The following UBE2U variants were observed in gnomAD, a reference collection of about 807,000 sequenced individuals.
The protein encoded by UBE2U is ubiquitin conjugating enzyme E2 U, also known as ubiquitin-conjugating enzyme E2 U.
A neutral mutation model predicts 41.2 loss-of-function variants in UBE2U; 39 were observed. That is an observed-to-expected ratio of 0.95 (90% confidence interval 0.73 to 1.24). The LOEUF is 1.24. Among genes scored for constraint, UBE2U ranks in the 50% most tolerant of loss-of-function variants. UBE2U has a pLI of 0.00. For missense variants in UBE2U, 336 were observed against 363.1 expected (o/e 0.93, Z 0.61); for synonymous variants, 107 against 117.8 (o/e 0.91, Z 0.60).
intron 7 of UBE2U, among the ~76,000 whole-genome samples, chr1:64,240,928 C>G (rs958120435): frequency 3.9e-5 from 6 of 151,946 alleles, no homozygotes; most frequent in African/African-American, 9.7e-5. Context: ...TGGGGTTTCA[C>G]CACATTGGCC....
intron 8 of UBE2U, among the ~76,000 whole-genome samples, chr1:64,255,313 A>G (rs1645073152): frequency 6.6e-6 from 1 of 152,188 alleles, no homozygotes; most frequent in Non-Finnish European, 1.5e-5. Flanking sequence ...AACCAGACAG[A>G]TTCACAGCTG....
At chr1:64,209,900 A>T (rs1651561674) in intron 3 of UBE2U, among the ~76,000 whole-genome samples, 1 of 152,204 alleles carries the variant, frequency 6.6e-6, no homozygotes, top group Non-Finnish European at 1.5e-5. Flanking sequence ...TGAATACTTG[A>T]GAAGTAAACA....
At chr1:64,253,798 A>C (rs564253176) in intron 8 of UBE2U, among the ~76,000 whole-genome samples, 1 of 152,324 alleles carries the variant, frequency 6.6e-6, no homozygotes, top group South Asian at 2.1e-4. Flanking sequence ...ATTACCAGCC[A>C]CTACAAAAAC....
chr1:64,236,567 C>T lies in UBE2U; in HGVS notation c.595+3918C>T, dbSNP rs140755419. ...TATATATGGTTGTGGGCAACAGAGC[C>T]TTAATGACAGAATATGATCCCCATA... On this transcript the variant is annotated intron_variant, in intron 7 of 9. Transcript: ENST00000371077. Among the ~76,000 whole-genome samples, 5 of 152,200 alleles carry T rather than the reference C, an allele frequency of 3.3e-5. No homozygotes were observed. The East Asian group carries it at 9.7e-4, about 29-fold the overall frequency.
At position 64,206,850 on chromosome 1, in the gene UBE2U, C is replaced by A. The variant is rs773041164; in HGVS notation, c.235C>A (p.Pro79Thr). ...GAAATTTATAACAATTCCGTTTCAT[C>A]CAAATGGTAAGAACTAAATGACATT... is the stretch of plus-strand genomic sequence containing the variant. Reference protein sequence around the residue: ...VVKFITIPFHPNVDPHTGQPC... With the variant: ...VVKFITIPFHTNVDPHTGQPC... The change falls in exon 3 of 10, where the codon CCA becomes ACA. Residue 79 changes from proline (P) to threonine (T), a missense_variant. Physicochemically the swap from Pro to Thr is conservative, Grantham distance 38. Transcript: ENST00000371077. The A allele has an allele frequency of 5.1e-6, 8 of 1,576,948 alleles. No individual in the cohort carries two copies. The highest frequency in any genetic ancestry group is 7.0e-6 in the Non-Finnish European group (8 of 1,149,288).
chr1:64,223,077 T>G (rs892800306), intron 6 of UBE2U, among the ~76,000 whole-genome samples: 1 of 152,154 alleles, frequency 6.6e-6, no homozygotes, highest in African/African-American at 2.4e-5. Flanking sequence ...ACTTAGAATG[T>G]ACTTAGAATG....
At chr1:64,255,650 A>G (rs1645078288) in intron 8 of UBE2U, among the ~76,000 whole-genome samples, 1 of 152,042 alleles carries the variant, frequency 6.6e-6, no homozygotes, top group African/African-American at 2.4e-5. Flanking sequence ...TTCATCACAT[A>G]AACAGAACTA....
chr1:64,266,884 G>A, intron 9 of UBE2U, 140 bp from the exon 10 acceptor site: 2 of 722,906 alleles, frequency 2.8e-6, no homozygotes, highest in East Asian at 2.9e-5. Flanking sequence ...AAAACATGAA[G>A]TTTAGAAAGT....
Position 64,205,674 on chromosome 1 carries a change from G to A in UBE2U, c.102G>A (p.Met34Ile), listed in dbSNP as rs763771642. Reference sequence around the variant, plus strand: ...CTAAGCCTGTAAGTGAAGATATGATGGAATGGGAAGTTGAAATTGAAGGTC... The same window carrying A: ...CTAAGCCTGTAAGTGAAGATATGATAGAATGGGAAGTTGAAATTGAAGGTC... ...ITAKPVSEDM[M>I]EWEVEIEGLQ... The change falls in exon 2 of 10, where the codon ATG becomes ATA. Residue 34 changes from methionine to isoleucine, a missense_variant. Physicochemically the swap from Met to Ile is conservative, Grantham distance 10 (BLOSUM62 1). Coordinates refer to ENST00000371077, the MANE Select transcript of UBE2U (RefSeq NM_001366232.2). 1.9e-6 allele frequency: 3 copies of A among 1,613,074 alleles called. No homozygotes were observed. The highest frequency in any genetic ancestry group is 2.7e-5 in the African/African-American group (2 of 74,858).
Position 64,241,654 on chromosome 1 carries a change from C to A in UBE2U, c.598C>A (p.Leu200Ile), listed in dbSNP as rs1182526727. The A allele has an allele frequency of 6.2e-7, 1 of 1,600,754 alleles. No homozygotes were observed. Among genetic ancestry groups the A allele is most frequent in the South Asian group, 1.1e-5 (1 of 88,542 alleles). ...TTTTTTTAATATTCTAATTTCAGTG[C>A]TCAAAGTTCCAAATTTCATTGGACA... ...KATEYYRTPL[L>I]KVPNFIGQYY... The change falls in exon 8 of 10, where the codon CTC (leucine) becomes ATC (isoleucine). Residue 200 changes from leucine (L) to isoleucine (I), a missense_variant and splice_region_variant. Transcript: ENST00000371077.
intron 6 of UBE2U, among the ~76,000 whole-genome samples, chr1:64,224,931 A>G (rs1963048): frequency 0.2 from 25,462 of 127,246 alleles, 2,750 homozygotes; most frequent in Non-Finnish European, 0.25. Context: ...TGTATAGGAT[A>G]TTATCACACA....
At position 64,253,470 on chromosome 1, in the gene UBE2U, C is replaced by T. The variant is rs564161580; in HGVS notation, c.678-7133C>T. On this transcript the variant is annotated intron_variant, in intron 8 of 9. Coordinates refer to ENST00000371077, the MANE Select transcript of UBE2U (RefSeq NM_001366232.2). ...CCCCAAGACACATAATCATCAGATTCTCCAAGGTCGAAATGAAGGAAAAAA... is the reference window on the plus strand; with the variant it reads ...CCCCAAGACACATAATCATCAGATTTTCCAAGGTCGAAATGAAGGAAAAAA... Among the ~76,000 whole-genome samples the T allele has an allele frequency of 1.1e-3, 170 of 152,236 alleles. 2 individuals are homozygous for T. The highest frequency in any genetic ancestry group is 8.8e-3 in the Admixed American group (135 of 15,278).
chr1:64,225,598 A>T (rs1652811664), intron 6 of UBE2U, among the ~76,000 whole-genome samples: 1 of 152,242 alleles, frequency 6.6e-6, no homozygotes, highest in Non-Finnish European at 1.5e-5. Flanking sequence ...GAGAAGAGTT[A>T]TTAGGTTATT....
chr1:64,265,006 C>A (rs1481462837), intron 9 of UBE2U, among the ~76,000 whole-genome samples: 2 of 152,008 alleles, frequency 1.3e-5, no homozygotes, highest in Admixed American at 1.3e-4. Flanking sequence ...CAGGATCCTG[C>A]TTGAGGGGAA....
At chr1:64,252,881 C>T (rs1645033724) in intron 8 of UBE2U, among the ~76,000 whole-genome samples, 1 of 152,162 alleles carries the variant, frequency 6.6e-6, no homozygotes, top group Non-Finnish European at 1.5e-5. Context: ...AACACCTTTC[C>T]AGCAAGGGTA....
intron 7 of UBE2U, among the ~76,000 whole-genome samples, chr1:64,239,320 T>G (rs1644792132): frequency 6.6e-6 from 1 of 151,792 alleles, no homozygotes; most frequent in African/African-American, 2.4e-5. Context: ...ATGATCTGGC[T>G]TAATAATATT....
rs113594539 is a variant in UBE2U, at chr1:64,247,941, A to G, written c.677+6208A>G. ...CCTCTCTCGCCTGTGACCTCTGCAC[A>G]CACCGGCTCCCCTTTACCTCTGCCA... On this transcript the variant is annotated intron_variant, in intron 8 of 9. Coordinates refer to ENST00000371077, the MANE Select transcript of UBE2U (RefSeq NM_001366232.2). Among the ~76,000 whole-genome samples the G allele has an allele frequency of 1.3e-3, 190 of 151,354 alleles. 1 individual carries two copies. The highest frequency in any genetic ancestry group is 4.4e-3 in the African/African-American group (180 of 41,202).
chr1:64,250,980 G>A (rs1453505820), intron 8 of UBE2U, among the ~76,000 whole-genome samples: 1 of 151,480 alleles, frequency 6.6e-6, no homozygotes, highest in Non-Finnish European at 1.5e-5. Context: ...GAGTTAATGG[G>A]TGCAGCACAC....
chr1:64,216,753 T>C (rs1268226052), intron 5 of UBE2U, among the ~76,000 whole-genome samples: 1 of 152,234 alleles, frequency 6.6e-6, no homozygotes, highest in East Asian at 1.9e-4. Flanking sequence ...ACATTTGTTA[T>C]GTTTGCCTAC....
Sources: allele counts gnomAD v4.1 joint callset (sites outside exome capture counted in the v4.1 genomes callset), GRCh38; gene constraint gnomAD v4.1.1; transcripts MANE v1.5; gene names NCBI Gene and HGNC (gene_info 2026-07-23, HGNC 2026-07-21).